PTPN9: variants seen among roughly 807,000 people sequenced by gnomAD.
PTPN9 encodes protein tyrosine phosphatase non-receptor type 9, also known as tyrosine-protein phosphatase non-receptor type 9.
In PTPN9, 26 loss-of-function variants were observed where a neutral mutation model predicts 69.8. That is an observed-to-expected ratio of 0.37 (90% CI 0.27 to 0.52). PTPN9 has a LOEUF of 0.52. PTPN9 is among the 20% of genes least tolerant of loss of function. The pLI, the probability that PTPN9 is intolerant of heterozygous loss-of-function variation, is 0.91. For missense variants in PTPN9, 549 were observed against 740.3 expected (o/e 0.74, Z 3.00); for synonymous variants, 274 against 272.5 (o/e 1.01, Z -0.05).
intron 5 of PTPN9, among the ~76,000 whole-genome samples, chr15:75,510,616 T>C (rs185085388): frequency 7.2e-5 from 11 of 152,310 alleles, no homozygotes; most frequent in Admixed American, 1.3e-4. Flanking sequence ...TTAAATCCTT[T>C]TCTATTTTAA....
rs765266189 is a variant in PTPN9 at position 75,467,195 on chromosome 15, C to G, written c.*1574G>C. ...TGTAAGATATTGAATATGAACATTA[C>G]AATTATTTTCTGAATCAGACTCAGT... On this transcript the variant is annotated 3_prime_UTR_variant, in exon 13 of 13. Coordinates refer to ENST00000618819, the MANE Select transcript of PTPN9 (RefSeq NM_002833.4). 3 of 152,562 alleles carry G rather than the reference C, an allele frequency of 2.0e-5. No individual in the cohort carries two copies. The highest frequency in any genetic ancestry group is 4.4e-5 in the Non-Finnish European group (3 of 68,022). 9.5% of individuals were successfully genotyped at this position (152,562 alleles called of 1,614,324 possible). A position where few individuals can be genotyped will look rare whatever the true frequency, so the allele number is the denominator to read the frequency against.
At chr15:75,552,355 C>T (rs2075060074) in intron 1 of PTPN9, among the ~76,000 whole-genome samples, 1 of 151,982 alleles carries the variant, frequency 6.6e-6, no homozygotes, top group African/African-American at 2.4e-5. Context: ...TGCGGTGAGC[C>T]AAGATCACAC....
intron 1 of PTPN9, among the ~76,000 whole-genome samples, chr15:75,565,095 C>T (rs1595972013): frequency 7.1e-6 from 1 of 141,066 alleles, no homozygotes; most frequent in Non-Finnish European, 1.5e-5. Context: ...AAAAAGACTC[C>T]GTCTCAAAAA....
At chr15:75,561,129 A>G (rs531844847) in intron 1 of PTPN9, among the ~76,000 whole-genome samples, 2 of 152,138 alleles carry the variant, frequency 1.3e-5, no homozygotes, top group African/African-American at 4.8e-5. Flanking sequence ...CAGCCTGACC[A>G]ACATGGTGAA....
At chr15:75,505,367 C>T (rs377418462) in intron 7 of PTPN9, among the ~76,000 whole-genome samples, 1,985 of 149,134 alleles carry the variant, frequency 0.013, 148 homozygotes, top group Admixed American at 0.11. Context: ...GACCTTTGTT[C>T]ACTTGTTTAT....
At chr15:75,560,035 G>A (rs538730944) in intron 1 of PTPN9, among the ~76,000 whole-genome samples, 4 of 151,870 alleles carry the variant, frequency 2.6e-5, no homozygotes. Flanking sequence ...AGCTACTCAG[G>A]AGGCTGAGGC....
At chr15:75,487,004 C>T (rs1000038656) in intron 8 of PTPN9, among the ~76,000 whole-genome samples, 1 of 151,984 alleles carries the variant, frequency 6.6e-6, no homozygotes, top group East Asian at 1.9e-4. Flanking sequence ...CCAGGATGGT[C>T]TCGATCTCCT....
rs1336193744 is a variant in PTPN9 at position 75,463,309 on chromosome 15, A to G, written c.*5460T>C. On this transcript the variant is annotated 3_prime_UTR_variant, in exon 13 of 13. Transcript: ENST00000618819. Reference sequence around the variant, plus strand: ...ATTTTTTCACAGAAGAAAATTCATTAAAAGTCAAGAAAGAGCCCCCAGATG... The same window carrying G: ...ATTTTTTCACAGAAGAAAATTCATTGAAAGTCAAGAAAGAGCCCCCAGATG... 6.6e-6 allele frequency: 1 copy of G among 152,222 alleles called. No homozygotes were observed. The highest frequency in any genetic ancestry group is 1.5e-5 in the Non-Finnish European group (1 of 68,040). The allele number at this position is 152,222 out of a possible 1,614,324, so 9.4% of individuals were successfully genotyped here. A position where few individuals can be genotyped will look rare whatever the true frequency, so the allele number is the denominator to read the frequency against.
At chr15:75,508,039 CAAAAAAAA>C (rs990909256) in intron 6 of PTPN9, among the ~76,000 whole-genome samples, 2 of 37,380 alleles carry the variant, frequency 5.4e-5, no homozygotes, top group Admixed American at 6.4e-4. Context: ...GAGACACTCT[CAAAAAAAA>C]AAAAAAAAAA....
intron 1 of PTPN9, among the ~76,000 whole-genome samples, chr15:75,559,463 G>A (rs560316518): frequency 6.6e-6 from 1 of 152,326 alleles, no homozygotes; most frequent in Non-Finnish European, 1.5e-5. Context: ...GTTGATCTGT[G>A]ACCTTGCCCC....
chr15:75,571,337 G>A (rs1365056980), intron 1 of PTPN9, among the ~76,000 whole-genome samples: 1 of 152,054 alleles, frequency 6.6e-6, no homozygotes, highest in African/African-American at 2.4e-5. Flanking sequence ...TAAGCATTGG[G>A]CTAAGTGCTC....
In PTPN9 at chr15:75,524,134, A is replaced by G. The variant is rs1038233172; in HGVS notation, c.297+75T>C. On this transcript the variant is annotated intron_variant, in intron 3 of 12. Coordinates refer to ENST00000618819, the MANE Select transcript of PTPN9 (RefSeq NM_002833.4). The stretch of plus-strand genomic sequence containing the variant: ...AATAAAATTAAAAAAAAAAAAAAAA[A>G]AACAAAGTCCAAACAGGACACCAGT... 5.5e-6 allele frequency: 4 copies of G among 729,594 alleles called. No individual in the cohort carries two copies. In the Admixed American group the frequency reaches 8.4e-5, roughly 15 times the overall value. 45.2% of individuals were successfully genotyped at this position (729,594 alleles called of 1,614,324 possible).
intron 5 of PTPN9, among the ~76,000 whole-genome samples, chr15:75,512,188 A>T (rs2074848529): frequency 6.6e-6 from 1 of 151,494 alleles, no homozygotes; most frequent in Non-Finnish European, 1.5e-5. Flanking sequence ...GACTGGGATT[A>T]TTTGGCTAAA....
intron 9 of PTPN9, among the ~76,000 whole-genome samples, chr15:75,479,604 T>C (rs1016248170): frequency 3.9e-5 from 6 of 152,144 alleles, no homozygotes; most frequent in African/African-American, 7.2e-5. Flanking sequence ...TTGCAGGCAG[T>C]AGTGTTATGT....
At chr15:75,493,233 TAGTC>T (rs2074721442) in intron 7 of PTPN9, among the ~76,000 whole-genome samples, 1 of 150,868 alleles carries the variant, frequency 6.6e-6, no homozygotes, top group Admixed American at 6.6e-5. Flanking sequence ...AAAAAAAAGA[TAGTC>T]AATAAGAGAA....
chr15:75,513,166 C>G (rs749444941), intron 5 of PTPN9: 13 of 430,020 alleles, frequency 3.0e-5, no homozygotes, highest in South Asian at 2.0e-4. Context: ...GTCTGCAGTT[C>G]TTTGCTCTGA....
chr15:75,509,086 A>G (rs2074833873), intron 5 of PTPN9, 59 bp from the exon 6 acceptor site: 2 of 1,416,216 alleles, frequency 1.4e-6, no homozygotes, highest in South Asian at 1.2e-5. Flanking sequence ...TTCAAGCCCA[A>G]GTTTAGGTTT....
chr15:75,529,519 C>T (rs1417922608), intron 1 of PTPN9, among the ~76,000 whole-genome samples: 2 of 152,034 alleles, frequency 1.3e-5, no homozygotes, highest in East Asian at 1.9e-4. Flanking sequence ...AAAGGTATAA[C>T]GAATAAAAAA....
chr15:75,489,578 G>T (rs1227970457), intron 8 of PTPN9, among the ~76,000 whole-genome samples: 1 of 151,962 alleles, frequency 6.6e-6, no homozygotes, highest in Admixed American at 6.6e-5. Context: ...GCAAGACCTT[G>T]TCTTGAGGGA....
Sources: allele counts gnomAD v4.1 joint callset (sites outside exome capture counted in the v4.1 genomes callset), GRCh38; gene constraint gnomAD v4.1.1; transcripts MANE v1.5; gene names NCBI Gene and HGNC (gene_info 2026-07-23, HGNC 2026-07-21).